Variants in TYR observed in about 807,000 individuals in gnomAD.
TYR encodes LB24-AB.
TYR carries 58 observed loss-of-function variants against 51.5 expected under a neutral mutation model. The observed-to-expected ratio is 1.13, with a 90% CI of 0.91 to 1.40. The LOEUF (loss-of-function observed/expected upper bound fraction) is 1.40. Among genes scored for constraint, TYR ranks in the 40% most tolerant of loss-of-function variants. The pLI, the probability that TYR is intolerant of heterozygous loss-of-function variation, is 0.00. For synonymous variants in TYR, 263 were observed against 235.2 expected (o/e 1.12, Z -1.08); for missense variants, 732 against 647.4 (o/e 1.13, Z -1.42).
At chr11:89,180,593 G>T (rs1447153882) in intron 1 of TYR, among the ~76,000 whole-genome samples, 4 of 151,132 alleles carry the variant, frequency 2.6e-5, no homozygotes, top group African/African-American at 7.3e-5. Flanking sequence ...GCCCTGAACT[G>T]AAATTGATAC....
intron 2 of TYR, among the ~76,000 whole-genome samples, chr11:89,215,067 C>A (rs867228337): frequency 2.6e-5 from 4 of 152,162 alleles, no homozygotes; most frequent in South Asian, 2.1e-4. Flanking sequence ...AGACAAGGAA[C>A]TTGCTATTAA....
At chr11:89,218,913 G>A (rs748667182) in intron 2 of TYR, among the ~76,000 whole-genome samples, 1 of 152,106 alleles carries the variant, frequency 6.6e-6, no homozygotes, top group Non-Finnish European at 1.5e-5. Flanking sequence ...GTTAAGAGTT[G>A]GACTACCTGG....
intron 4 of TYR, chr11:89,293,775 A>T (rs1416748024): frequency 1.1e-5 from 2 of 186,930 alleles, no homozygotes; most frequent in African/African-American, 2.4e-5. Context: ...ATGCCAACTT[A>T]GTCTCTCTTT....
intron 1 of TYR, among the ~76,000 whole-genome samples, chr11:89,183,139 A>G (rs2135246126): frequency 6.6e-6 from 1 of 152,216 alleles, no homozygotes; most frequent in East Asian, 1.9e-4. Flanking sequence ...TTTGCTCCCA[A>G]AAGCTTTTAA....
intron 3 of TYR, among the ~76,000 whole-genome samples, chr11:89,264,329 A>G (rs1339732519): frequency 1.3e-5 from 2 of 151,672 alleles, no homozygotes; most frequent in Non-Finnish European, 2.9e-5. Context: ...TATTTCACGG[A>G]CTCCAGATGA....
At chr11:89,185,352 G>A (rs1943356872) in intron 1 of TYR, among the ~76,000 whole-genome samples, 1 of 152,012 alleles carries the variant, frequency 6.6e-6, no homozygotes. Flanking sequence ...GGTAAAGGTG[G>A]TACCAACAAC....
intron 2 of TYR, among the ~76,000 whole-genome samples, chr11:89,220,273 T>C (rs777008096): frequency 2.0e-5 from 3 of 152,168 alleles, no homozygotes; most frequent in Non-Finnish European, 4.4e-5. Context: ...ACGCACATTA[T>C]ATCGCCAGAG....
chr11:89,224,872 C>T (rs1413876598), intron 2 of TYR, among the ~76,000 whole-genome samples: 1 of 151,932 alleles, frequency 6.6e-6, no homozygotes, highest in Non-Finnish European at 1.5e-5. Flanking sequence ...TGTGAAATTG[C>T]TTTTATCAAA....
At chr11:89,232,613 T>C (rs1361550955) in intron 3 of TYR, among the ~76,000 whole-genome samples, 2 of 142,014 alleles carry the variant, frequency 1.4e-5, no homozygotes, top group Non-Finnish European at 3.0e-5. Context: ...ACTATGTTCA[T>C]AACCTCGATG....
At chr11:89,227,722 G>T in intron 2 of TYR, 101 bp from the exon 3 acceptor site, 3 of 1,013,564 alleles carry the variant, frequency 3.0e-6, no homozygotes, top group Middle Eastern at 2.3e-4. Context: ...TTTATATTTT[G>T]AAACAGTCTT....
chr11:89,264,210 A>T (rs1944497005), intron 3 of TYR, among the ~76,000 whole-genome samples: 8 of 152,032 alleles, frequency 5.3e-5, no homozygotes, highest in Admixed American at 5.2e-4. Flanking sequence ...TTAAAAAAAA[A>T]TTCCTACACT....
intron 2 of TYR, among the ~76,000 whole-genome samples, chr11:89,224,793 A>G (rs6483006): frequency 0.2 from 31,063 of 152,144 alleles, 4,553 homozygotes; most frequent in African/African-American, 0.42. Flanking sequence ...TGTTGCCAAC[A>G]TGTATAACTT....
intron 1 of TYR, among the ~76,000 whole-genome samples, chr11:89,186,691 T>C (rs1428750587): frequency 4.6e-5 from 7 of 152,176 alleles, no homozygotes; most frequent in African/African-American, 4.8e-5. Flanking sequence ...TGATTACATA[T>C]AGACCTCTCA....
At chr11:89,255,879 T>C (rs1362315661) in intron 3 of TYR, among the ~76,000 whole-genome samples, 3 of 151,726 alleles carry the variant, frequency 2.0e-5, no homozygotes, top group Non-Finnish European at 4.4e-5. Context: ...ATTGTCTCTA[T>C]TGTTTTTCCA....
intron 4 of TYR, among the ~76,000 whole-genome samples, chr11:89,285,553 C>A (rs1278726462): frequency 6.6e-6 from 1 of 151,764 alleles, no homozygotes; most frequent in African/African-American, 2.4e-5. Context: ...TAGATTTGAG[C>A]TCTAAATAAT....
intron 2 of TYR, among the ~76,000 whole-genome samples, chr11:89,222,933 G>T (rs1943931091): frequency 6.6e-6 from 1 of 152,060 alleles, no homozygotes; most frequent in African/African-American, 2.4e-5. Context: ...TTTCCATGAG[G>T]AATTCGTGGA....
intron 2 of TYR, among the ~76,000 whole-genome samples, chr11:89,227,518 A>G (rs997774435): frequency 6.6e-6 from 1 of 152,154 alleles, no homozygotes; most frequent in African/African-American, 2.4e-5. Flanking sequence ...TGTTCCTATG[A>G]CTTGTCCATA....
chr11:89,293,436 G>A lies in TYR; in HGVS notation c.1367-1707G>A, dbSNP rs181640452. 1.6e-4 allele frequency among the ~76,000 whole-genome samples: 24 copies of A among 151,578 alleles called. 2 individuals carry two copies. The highest frequency in any genetic ancestry group is 4.8e-4 in the African/African-American group (20 of 41,296). ...AGTAATGACTATGGAAATTTTCCCC[G>A]ACATTTAGAAATGCTGTTCTCTAAT... On this transcript the variant is annotated intron_variant, in intron 4 of 4. Transcript: ENST00000263321.
At position 89,178,601 on chromosome 11, in the gene TYR, GC is replaced by G. The variant is rs61754364; in HGVS notation, c.649del (p.Arg217GlyfsTer9). Reference sequence around the variant, plus strand: ...TGCCTTGGCATAGACTCTTCTTGTTGCGGTGGGAACAAGAAATCCAGAAGCT... The same window carrying G: ...TGCCTTGGCATAGACTCTTCTTGTTGGGTGGGAACAAGAAATCCAGAAGCT... ...FLPWHRLFLL[R>X]WEQEIQKLTG... On this transcript the variant is annotated frameshift_variant, in exon 1 of 5. Coordinates refer to ENST00000263321, the MANE Select transcript of TYR (RefSeq NM_000372.5). LOFTEE classifies it high-confidence loss of function. 6.2e-6 allele frequency: 10 copies of G among 1,612,826 alleles called. No homozygotes were observed. The highest frequency in any genetic ancestry group is 6.8e-6 in the Non-Finnish European group (8 of 1,179,334).
Sources: gnomAD v4.1 joint callset for allele counts (sites outside exome capture counted in the v4.1 genomes callset) on GRCh38, gnomAD v4.1.1 for gene constraint, MANE v1.5 for transcripts, NCBI Gene and HGNC (gene_info 2026-07-23, HGNC 2026-07-21) for gene names.